The following ANKH variants were observed in gnomAD, a reference collection of about 807,000 sequenced individuals.
ANKH encodes mineralization regulator ANKH.
ANKH carries 15 observed loss-of-function variants against 49.0 expected under a neutral mutation model. The observed-to-expected ratio is 0.31, with a 90% confidence interval of 0.20 to 0.47. The LOEUF is 0.47. ANKH is among the 20% of genes least tolerant of loss of function. ANKH has a pLI of 1.00. For synonymous variants in ANKH, 273 were observed against 260.0 expected (o/e 1.05, Z -0.48); for missense variants, 429 against 652.0 (o/e 0.66, Z 3.72).
intron 1 of ANKH, among the ~76,000 whole-genome samples, chr5:14,811,021 C>T (rs987901434): frequency 6.6e-6 from 1 of 152,076 alleles, no homozygotes; most frequent in Non-Finnish European, 1.5e-5. Flanking sequence ...AATAAATGGA[C>T]CATAAAAAGC....
rs1410428632 is a variant in ANKH, at chr5:14,719,556, C to T, written c.1012-2721G>A. Among the ~76,000 whole-genome samples, 9 of 151,742 alleles carry T rather than the reference C, an allele frequency of 5.9e-5. 1 individual carries two copies. Among genetic ancestry groups the T allele is most frequent in the East Asian group, 1.9e-4 (1 of 5,190 alleles). On this transcript the variant is annotated intron_variant, in intron 8 of 11. Transcript: ENST00000284268. The stretch of plus-strand genomic sequence containing the variant: ...CTAATGTGCTTGAATACTTGAAAAG[C>T]GATTTACACCACGAAGGGAAAATGT...
intron 1 of ANKH, among the ~76,000 whole-genome samples, chr5:14,846,728 A>G (rs1479900419): frequency 3.3e-5 from 5 of 152,160 alleles, no homozygotes; most frequent in Non-Finnish European, 5.9e-5. Context: ...GTGGTGGCTC[A>G]CGCCTGTAAT....
chr5:14,780,870 C>T (rs982850583), intron 1 of ANKH, among the ~76,000 whole-genome samples: 8 of 152,178 alleles, frequency 5.3e-5, no homozygotes, highest in African/African-American at 1.7e-4. Context: ...ATTATACTTA[C>T]GATGACATCA....
chr5:14,797,840 T>G, intron 1 of ANKH: 1 of 1,611,634 alleles, frequency 6.2e-7, no homozygotes, highest in South Asian at 1.1e-5. Context: ...CACTGAGATT[T>G]AGGTTCCAAG....
At chr5:14,718,453 AT>A (rs1353516023) in intron 8 of ANKH, among the ~76,000 whole-genome samples, 1 of 152,224 alleles carries the variant, frequency 6.6e-6, no homozygotes, top group Admixed American at 6.5e-5. Context: ...CTCCACTGAT[AT>A]CCCCAGAGAA....
In ANKH at chr5:14,706,867, GC is replaced by G. The variant is rs1270301320; in HGVS notation, c.*4329del. ...TACGGTTTGAGTGCTTTATATGAGA[GC>G]CATCAGAGGACTGTGTGTGAGGGCG... On this transcript the variant is annotated 3_prime_UTR_variant, in exon 12 of 12. Transcript: ENST00000284268. 1.3e-5 allele frequency: 2 copies of G among 152,196 alleles called. No homozygotes were observed. Among genetic ancestry groups the G allele is most frequent in the Non-Finnish European group, 1.5e-5 (1 of 68,044 alleles). The allele number at this position is 152,196 out of a possible 1,614,324, so 9.4% of individuals were successfully genotyped here.
intron 1 of ANKH, among the ~76,000 whole-genome samples, chr5:14,789,080 T>C (rs564482088): frequency 1.3e-5 from 2 of 151,992 alleles, no homozygotes; most frequent in Non-Finnish European, 2.9e-5. Flanking sequence ...ATACAAAAAT[T>C]AGCCAGGCAT....
chr5:14,743,131 T>C (rs919397013), intron 7 of ANKH, among the ~76,000 whole-genome samples: 1 of 152,158 alleles, frequency 6.6e-6, no homozygotes. Context: ...TCTGAATGAG[T>C]ATACGTTTTC....
chr5:14,771,347 AGATGCACCT>A (rs1167700304), intron 1 of ANKH, among the ~76,000 whole-genome samples: 2 of 152,262 alleles, frequency 1.3e-5, no homozygotes, highest in African/African-American at 4.8e-5. Context: ...CCTGCATGGT[AGATGCACCT>A]GATAAGAATA....
At chr5:14,807,760 G>A (rs1740751621) in intron 1 of ANKH, among the ~76,000 whole-genome samples, 1 of 152,176 alleles carries the variant, frequency 6.6e-6, no homozygotes, top group Non-Finnish European at 1.5e-5. Context: ...TCAAGTCAAG[G>A]AGGTCTGAGT....
At chr5:14,855,157 A>G (rs1459284069) in intron 1 of ANKH, among the ~76,000 whole-genome samples, 1 of 152,164 alleles carries the variant, frequency 6.6e-6, no homozygotes, top group Non-Finnish European at 1.5e-5. Flanking sequence ...ATGGGGACAT[A>G]GTATTCTCTT....
At chr5:14,823,401 G>A (rs936095780) in intron 1 of ANKH, among the ~76,000 whole-genome samples, 12 of 152,140 alleles carry the variant, frequency 7.9e-5, no homozygotes, top group African/African-American at 2.9e-4. Flanking sequence ...AAAAAGGAGA[G>A]ATCCTGTTTA....
rs115596612 is a variant in ANKH at position 14,804,505 on chromosome 5, C to T, written c.97-35314G>A. Among the ~76,000 whole-genome samples the T allele has an allele frequency of 1.5e-3, 232 of 152,326 alleles. 2 individuals carry two copies. Among genetic ancestry groups the T allele is most frequent in the African/African-American group, 5.4e-3 (224 of 41,578 alleles). On this transcript the variant is annotated intron_variant, in intron 1 of 11. Transcript: ENST00000284268. ...TGAATGACTGTGTCAAAGTCCATGA[C>T]TGATTGGCAGGTAATAGGCTGGGAG...
chr5:14,731,852 G>A (rs1231703984), intron 8 of ANKH, among the ~76,000 whole-genome samples: 2 of 152,344 alleles, frequency 1.3e-5, no homozygotes, highest in East Asian at 3.9e-4. Context: ...CTAGGCGTTT[G>A]ATGATTTCAG....
chr5:14,749,819 T>C (rs976078632), intron 5 of ANKH, among the ~76,000 whole-genome samples: 5 of 152,254 alleles, frequency 3.3e-5, no homozygotes, highest in Admixed American at 2.6e-4. Context: ...ACAGACATCA[T>C]GTAAACTGTT....
chr5:14,721,868 TG>T (rs2126427520), intron 8 of ANKH, among the ~76,000 whole-genome samples: 1 of 132,720 alleles, frequency 7.5e-6, no homozygotes, highest in South Asian at 2.5e-4. Flanking sequence ...AGGCGGAGCT[TG>T]CAGTGAGCTG....
intron 1 of ANKH, among the ~76,000 whole-genome samples, chr5:14,783,919 T>C (rs1297650200): frequency 6.6e-6 from 1 of 152,180 alleles, no homozygotes; most frequent in African/African-American, 2.4e-5. Flanking sequence ...TTCTGAAAAT[T>C]AGAGCAGCTG....
At chr5:14,865,552 T>C (rs1735620763) in intron 1 of ANKH, among the ~76,000 whole-genome samples, 1 of 152,188 alleles carries the variant, frequency 6.6e-6, no homozygotes, top group Non-Finnish European at 1.5e-5. Context: ...CTTTAGGAAG[T>C]GGATCTTACA....
chr5:14,775,311 G>A (rs1001378297), intron 1 of ANKH, among the ~76,000 whole-genome samples: 1 of 152,130 alleles, frequency 6.6e-6, no homozygotes, highest in African/African-American at 2.4e-5. Context: ...GGGCTCAAGT[G>A]ATCCTTCTGC....
Sources: gnomAD v4.1 joint callset for allele counts (sites outside exome capture counted in the v4.1 genomes callset) on GRCh38, gnomAD v4.1.1 for gene constraint, MANE v1.5 for transcripts, NCBI Gene and HGNC (gene_info 2026-07-23, HGNC 2026-07-21) for gene names.